The following SRGAP2 variants were observed in gnomAD, a reference collection of about 807,000 sequenced individuals.
The protein encoded by SRGAP2 is SLIT-ROBO Rho GTPase activating protein 2.
In SRGAP2, 15 loss-of-function variants were observed where a neutral mutation model predicts 57.2. The ratio of observed to expected loss-of-function variants is 0.26; its 90% CI spans 0.18 to 0.40. The LOEUF (loss-of-function observed/expected upper bound fraction) is 0.40, where lower values mean the gene tolerates loss of function less well. Ranked by LOEUF, SRGAP2 falls within the 10% of genes least tolerant of loss-of-function variation. The probability of loss-of-function intolerance (pLI) is 1.00; values close to 1 mark genes in which losing one functional copy is unlikely to be tolerated. For synonymous variants in SRGAP2, 249 were observed against 248.0 expected, an observed-to-expected ratio of 1.00 and a Z score of -0.04; for missense variants, 520 against 669.6, an observed-to-expected ratio of 0.78 and a Z score of 2.47.
intron 12 of SRGAP2, among the ~76,000 whole-genome samples, chr1:206,419,755 G>A (rs1286856278): frequency 6.6e-6 from 1 of 151,416 alleles, no homozygotes; most frequent in Non-Finnish European, 1.5e-5. Flanking sequence ...TTCAACATAG[G>A]GGCTCTGGGG....
chr1:206,410,224 C>T (rs1054595925), intron 10 of SRGAP2, among the ~76,000 whole-genome samples: 13 of 152,200 alleles, frequency 8.5e-5, no homozygotes, highest in Admixed American at 3.9e-4. Context: ...GTGGAAGAAG[C>T]AGAGGTGAAG....
At chr1:206,302,594 A>G (rs1671936307) in intron 2 of SRGAP2, among the ~76,000 whole-genome samples, 2 of 152,192 alleles carry the variant, frequency 1.3e-5, no homozygotes, top group Admixed American at 6.5e-5. Context: ...TCATTCTGTG[A>G]TATTGGAAAC....
intron 3 of SRGAP2, among the ~76,000 whole-genome samples, chr1:206,322,534 C>T (rs1348078862): frequency 3.5e-5 from 5 of 144,620 alleles, no homozygotes; most frequent in South Asian, 2.2e-4. Context: ...GAGCCGAGAT[C>T]GTGCCACTGC....
chr1:206,346,467 GA>G (rs1675638579), intron 4 of SRGAP2, among the ~76,000 whole-genome samples: 1 of 152,214 alleles, frequency 6.6e-6, no homozygotes, highest in Admixed American at 6.5e-5. Context: ...TATAGGTGTG[GA>G]GAGGGCTAGC....
intron 14 of SRGAP2, among the ~76,000 whole-genome samples, chr1:206,433,921 A>G (rs936659023): frequency 1.3e-5 from 2 of 152,230 alleles, no homozygotes; most frequent in Non-Finnish European, 2.9e-5. Context: ...AGGATCAAGC[A>G]AATATATTGT....
At chr1:206,209,558 G>T (rs1666178295) in intron 2 of SRGAP2, among the ~76,000 whole-genome samples, 1 of 152,136 alleles carries the variant, frequency 6.6e-6, no homozygotes. Context: ...AACCATCATT[G>T]TTTCTGGTTT....
intron 20 of SRGAP2, 117 bp downstream of exon 20, chr1:206,453,497 G>A: frequency 6.7e-6 from 3 of 446,366 alleles, no homozygotes; most frequent in Non-Finnish European, 1.2e-5. Context: ...GTCCAGTGCA[G>A]TCCTGAGGCT....
At position 206,224,415 on chromosome 1, in the gene SRGAP2, G is replaced by A. The variant is rs191888422; in HGVS notation, c.67+18378G>A. ...AAAAAAGCCTACCTATACGAAAGTA[G>A]TTAAAAAAAAAATAACCCACAGCAA... is the stretch of plus-strand genomic sequence containing the variant. On this transcript the variant is annotated intron_variant, in intron 2 of 22. Coordinates refer to ENST00000573034, the MANE Select transcript of SRGAP2 (RefSeq NM_015326.5). Among the ~76,000 whole-genome samples the A allele has an allele frequency of 1.2e-3, 167 of 144,394 alleles. 2 individuals are homozygous for A. Among genetic ancestry groups the A allele is most frequent in the Non-Finnish European group, 1.8e-3 (121 of 67,234 alleles). The allele number at this position is 144,394 out of a possible 152,430, so 94.7% of individuals were successfully genotyped here.
intron 21 of SRGAP2, 24 bp downstream of exon 21, chr1:206,455,048 G>A (rs1553377908): frequency 1.3e-6 from 1 of 780,388 alleles, no homozygotes; most frequent in Non-Finnish European, 2.4e-6. Flanking sequence ...TTCATTTTCT[G>A]CTCCCCTGAA....
intron 4 of SRGAP2, among the ~76,000 whole-genome samples, chr1:206,353,632 T>C (rs1359938069): frequency 6.6e-6 from 1 of 151,318 alleles, no homozygotes; most frequent in Non-Finnish European, 1.5e-5. Context: ...AAGGTGGAGT[T>C]TGCAATGAGC....
chr1:206,446,017 G>A, intron 17 of SRGAP2, 58 bp from the exon 18 acceptor site: 1 of 766,188 alleles, frequency 1.3e-6, no homozygotes, highest in South Asian at 1.4e-5. Context: ...CTGTGATTGT[G>A]TTTTCTGGGC....
chr1:206,254,544 A>G (rs1343489200), intron 2 of SRGAP2, among the ~76,000 whole-genome samples: 3 of 148,588 alleles, frequency 2.0e-5, no homozygotes, highest in Non-Finnish European at 3.0e-5. Context: ...GTCTCAGGTT[A>G]ATAAGTATCT....
chr1:206,447,503 G>A (rs1347138326), intron 18 of SRGAP2, among the ~76,000 whole-genome samples: 1 of 152,180 alleles, frequency 6.6e-6, no homozygotes, highest in African/African-American at 2.4e-5. Context: ...CAGTGTCTGG[G>A]TCCAAGCTGG....
At chr1:206,238,927 A>C (rs1553308519) in intron 2 of SRGAP2, among the ~76,000 whole-genome samples, 1 of 149,854 alleles carries the variant, frequency 6.7e-6, no homozygotes, top group East Asian at 2.0e-4. Context: ...GTGCCGAAAC[A>C]AACAGCAGTG....
chr1:206,437,618 A>G (rs986751388), intron 15 of SRGAP2: 1 of 210,574 alleles, frequency 4.7e-6, no homozygotes, highest in Non-Finnish European at 9.4e-6. Flanking sequence ...CCTTGGCCTC[A>G]TTTTTCTCCC....
chr1:206,322,085 C>T (rs2102834480), intron 3 of SRGAP2, among the ~76,000 whole-genome samples: 1 of 148,998 alleles, frequency 6.7e-6, no homozygotes, highest in East Asian at 2.0e-4. Flanking sequence ...ATTTCTTTAT[C>T]TGTCTGTATA....
chr1:206,442,279 C>T (rs1342388185), intron 17 of SRGAP2, among the ~76,000 whole-genome samples: 16 of 152,222 alleles, frequency 1.1e-4, no homozygotes, highest in Non-Finnish European at 1.6e-4. Flanking sequence ...GACTCAGCAC[C>T]ACCACTGCCT....
At chr1:206,386,670 G>T (rs1553348613) in intron 5 of SRGAP2, among the ~76,000 whole-genome samples, 6 of 134,044 alleles carry the variant, frequency 4.5e-5, no homozygotes, top group South Asian at 2.5e-4. Context: ...ATGGTGGCGG[G>T]TGCCTGTAGT....
chr1:206,442,519 A>C (rs1553372369), intron 17 of SRGAP2, among the ~76,000 whole-genome samples: 1 of 152,228 alleles, frequency 6.6e-6, no homozygotes, highest in Non-Finnish European at 1.5e-5. Context: ...TATATGTGAC[A>C]GTACAGTGGG....
Sources: allele counts gnomAD v4.1 joint callset (sites outside exome capture counted in the v4.1 genomes callset), GRCh38; gene constraint gnomAD v4.1.1; transcripts MANE v1.5; gene names NCBI Gene and HGNC (gene_info 2026-07-23, HGNC 2026-07-21).